The following GRIA1 variants were observed in gnomAD, a reference collection of about 807,000 sequenced individuals.
The protein encoded by GRIA1 is glutamate ionotropic receptor AMPA type subunit 1.
In GRIA1, 31 loss-of-function variants were observed where a neutral mutation model predicts 99.2. That is an observed-to-expected ratio of 0.31 (90% CI 0.23 to 0.42). The LOEUF is 0.42. Among genes scored for constraint, GRIA1 ranks in the 10% least tolerant of loss-of-function variants. GRIA1 has a pLI of 1.00. For missense variants in GRIA1, 782 were observed against 1,157.5 expected (o/e 0.68, Z 4.71); for synonymous variants, 438 against 432.4 (o/e 1.01, Z -0.16).
At chr5:153,646,813 CAGTT>C in intron 2 of GRIA1, 111 bp from the exon 3 acceptor site, 3 of 1,108,552 alleles carry the variant, frequency 2.7e-6, no homozygotes, top group Non-Finnish European at 4.0e-6. Context: ...GGATAGATGA[CAGTT>C]GGGTGGATAA....
chr5:153,753,614 T>G (rs1033605089), intron 11 of GRIA1, among the ~76,000 whole-genome samples: 1 of 151,666 alleles, frequency 6.6e-6, no homozygotes, highest in African/African-American at 2.4e-5. Context: ...TTCCTATTTC[T>G]CCCATCCATT....
At chr5:153,681,241 T>G (rs2149491893) in intron 7 of GRIA1, among the ~76,000 whole-genome samples, 1 of 152,192 alleles carries the variant, frequency 6.6e-6, no homozygotes, top group East Asian at 1.9e-4. Context: ...GAGTAAGAAC[T>G]TATTCATTAC....
intron 2 of GRIA1, among the ~76,000 whole-genome samples, chr5:153,576,810 G>T (rs1357425920): frequency 4.6e-5 from 7 of 152,142 alleles, no homozygotes; most frequent in African/African-American, 1.7e-4. Context: ...TGCCACTGTT[G>T]GCCCTCTCAG....
intron 5 of GRIA1, among the ~76,000 whole-genome samples, chr5:153,665,294 G>C (rs539392865): frequency 2.6e-5 from 4 of 152,216 alleles, no homozygotes; most frequent in African/African-American, 4.8e-5. Context: ...CTGGATACTT[G>C]TATGAGGTAT....
chr5:153,797,330 A>C (rs1410851489), intron 14 of GRIA1, among the ~76,000 whole-genome samples: 1 of 152,204 alleles, frequency 6.6e-6, no homozygotes, highest in Non-Finnish European at 1.5e-5. Flanking sequence ...CAGAGACTGA[A>C]TGTCAAAACA....
chr5:153,572,198 C>T (rs527306411), intron 2 of GRIA1, among the ~76,000 whole-genome samples: 119 of 152,262 alleles, frequency 7.8e-4, no homozygotes, highest in Admixed American at 2.8e-3. Flanking sequence ...TTATTCACTT[C>T]CATTGTCAAC....
At chr5:153,653,457 A>G (rs1409896416) in intron 4 of GRIA1, among the ~76,000 whole-genome samples, 3 of 152,226 alleles carry the variant, frequency 2.0e-5, no homozygotes, top group Non-Finnish European at 4.4e-5. Context: ...TTTATTCTGT[A>G]AACAATGGGG....
At chr5:153,495,706 A>G (rs926674208) in intron 2 of GRIA1, among the ~76,000 whole-genome samples, 1 of 152,236 alleles carries the variant, frequency 6.6e-6, no homozygotes, top group African/African-American at 2.4e-5. Context: ...TACCCTTAAA[A>G]AAATAGCTGA....
At chr5:153,627,279 G>C (rs1767721078) in intron 2 of GRIA1, among the ~76,000 whole-genome samples, 1 of 152,176 alleles carries the variant, frequency 6.6e-6, no homozygotes, top group African/African-American at 2.4e-5. Context: ...ACCATTGGGT[G>C]GGTACTATTA....
At chr5:153,494,169 T>G in intron 2 of GRIA1, 104 bp downstream of exon 2, 1 of 1,267,476 alleles carries the variant, frequency 7.9e-7, no homozygotes, top group Non-Finnish European at 1.1e-6. Context: ...CAGTTGCCAT[T>G]CGTCTTTGTA....
intron 15 of GRIA1, among the ~76,000 whole-genome samples, chr5:153,807,247 A>C (rs1440651104): frequency 6.6e-6 from 1 of 152,198 alleles, no homozygotes; most frequent in East Asian, 1.9e-4. Flanking sequence ...ACTGAGCACC[A>C]CTGCGTGCTG....
intron 5 of GRIA1, among the ~76,000 whole-genome samples, chr5:153,658,761 AAAG>A (rs1755137470): frequency 6.6e-6 from 1 of 152,174 alleles, no homozygotes; most frequent in Non-Finnish European, 1.5e-5. Flanking sequence ...AGGTTTAACA[AAAG>A]GAGGGAGCTA....
At chr5:153,522,474 G>A (rs1240717368) in intron 2 of GRIA1, among the ~76,000 whole-genome samples, 1 of 152,146 alleles carries the variant, frequency 6.6e-6, no homozygotes, top group African/African-American at 2.4e-5. Flanking sequence ...AGTCAAGTTA[G>A]GCCAGGTTAT....
intron 2 of GRIA1, among the ~76,000 whole-genome samples, chr5:153,598,730 T>A (rs1017438862): frequency 3.3e-5 from 5 of 152,198 alleles, no homozygotes; most frequent in African/African-American, 1.2e-4. Flanking sequence ...TATGATATGG[T>A]CCACTGAAAA....
chr5:153,599,606 TTTGA>T (rs1345999555), intron 2 of GRIA1, among the ~76,000 whole-genome samples: 5 of 152,302 alleles, frequency 3.3e-5, no homozygotes, highest in Admixed American at 6.5e-5. Flanking sequence ...ACTTTATTAT[TTTGA>T]TTGTTATGTT....
chr5:153,721,257 CT>C (rs1760048913), intron 11 of GRIA1, among the ~76,000 whole-genome samples: 1 of 152,162 alleles, frequency 6.6e-6, no homozygotes, highest in Non-Finnish European at 1.5e-5. Context: ...ACTCTTTCCT[CT>C]TAAATTTAAG....
At chr5:153,497,447 A>G (rs529581273) in intron 2 of GRIA1, among the ~76,000 whole-genome samples, 1 of 152,320 alleles carries the variant, frequency 6.6e-6, no homozygotes, top group Admixed American at 6.5e-5. Flanking sequence ...TTCAGCAAGT[A>G]CATACTGAAT....
At chr5:153,600,207 T>A (rs527445582) in intron 2 of GRIA1, among the ~76,000 whole-genome samples, 1 of 151,746 alleles carries the variant, frequency 6.6e-6, no homozygotes, top group Admixed American at 6.6e-5. Flanking sequence ...CTGGCTAACA[T>A]GGTGAAACAC....
intron 11 of GRIA1, among the ~76,000 whole-genome samples, chr5:153,728,165 A>G (rs1300141847): frequency 6.6e-6 from 1 of 152,192 alleles, no homozygotes; most frequent in African/African-American, 2.4e-5. Context: ...GGTGCTGGGA[A>G]AAGTGGCTAG....
Sources: allele counts gnomAD v4.1 joint callset (sites outside exome capture counted in the v4.1 genomes callset), GRCh38; gene constraint gnomAD v4.1.1; transcripts MANE v1.5; gene names NCBI Gene and HGNC (gene_info 2026-07-23, HGNC 2026-07-21).